KCNIP3: variants seen among roughly 807,000 people sequenced by gnomAD.
The protein encoded by KCNIP3 is calsenilin.
A neutral mutation model predicts 35.0 loss-of-function variants in KCNIP3; 28 were observed. The observed-to-expected ratio is 0.80, with a 90% CI of 0.59 to 1.10. KCNIP3 has a LOEUF of 1.10. Among genes scored for constraint, KCNIP3 ranks in the 50% least tolerant of loss-of-function variants. The pLI is 0.00. For missense variants in KCNIP3, 295 were observed against 338.4 expected (o/e 0.87, Z 1.01); for synonymous variants, 134 against 133.8 (o/e 1.00, Z -0.01).
intron 2 of KCNIP3, among the ~76,000 whole-genome samples, chr2:95,336,367 C>T (rs1679059052): frequency 6.6e-6 from 1 of 152,242 alleles, no homozygotes; most frequent in South Asian, 2.1e-4. Context: ...TTCCACGTCT[C>T]TGATCAAGCC....
At chr2:95,337,729 T>C (rs1434664276) in intron 2 of KCNIP3, among the ~76,000 whole-genome samples, 1 of 152,242 alleles carries the variant, frequency 6.6e-6, no homozygotes, top group East Asian at 1.9e-4. Context: ...TTGGCTTTAT[T>C]ACTTCCCCCT....
intron 5 of KCNIP3, 97 bp downstream of exon 5, chr2:95,375,305 T>C (rs1393985185): frequency 3.6e-6 from 4 of 1,105,960 alleles, no homozygotes; most frequent in East Asian, 4.8e-5. Flanking sequence ...GAGAGAGCCA[T>C]GGTCCTGGGT....
At chr2:95,354,780 G>C (rs1235793280) in intron 2 of KCNIP3, among the ~76,000 whole-genome samples, 1 of 152,248 alleles carries the variant, frequency 6.6e-6, no homozygotes, top group Non-Finnish European at 1.5e-5. Flanking sequence ...CTTCCTGCTC[G>C]TTCTCTTGCT....
intron 2 of KCNIP3, among the ~76,000 whole-genome samples, chr2:95,351,330 C>T (rs149248702): frequency 1.3e-3 from 204 of 152,330 alleles, no homozygotes; most frequent in African/African-American, 4.5e-3. Context: ...ACTTGGGGTG[C>T]GAGGCACCAG....
intron 2 of KCNIP3, among the ~76,000 whole-genome samples, chr2:95,362,259 A>T (rs1203612178): frequency 1.3e-5 from 2 of 152,040 alleles, no homozygotes; most frequent in Non-Finnish European, 2.9e-5. Flanking sequence ...GGCATGCACC[A>T]CTATGCCCGG....
intron 2 of KCNIP3, among the ~76,000 whole-genome samples, chr2:95,314,517 C>G (rs1199317928): frequency 2.0e-5 from 3 of 152,180 alleles, no homozygotes; most frequent in Non-Finnish European, 4.4e-5. Flanking sequence ...ATTGGGGTTG[C>G]TAGAAGCCCC....
intron 2 of KCNIP3, chr2:95,355,383 A>C (rs1259844813): frequency 6.6e-6 from 1 of 152,124 alleles, no homozygotes; most frequent in Non-Finnish European, 1.5e-5. Flanking sequence ...TGTAGGGTAC[A>C]TGTGCACAAT....
At chr2:95,371,475 C>T (rs1680040191) in intron 2 of KCNIP3, among the ~76,000 whole-genome samples, 1 of 152,122 alleles carries the variant, frequency 6.6e-6, no homozygotes, top group African/African-American at 2.4e-5. Flanking sequence ...TATTGGTAAC[C>T]TCAGGATATG....
At chr2:95,323,688 C>G (rs898837568) in intron 2 of KCNIP3, among the ~76,000 whole-genome samples, 4 of 152,148 alleles carry the variant, frequency 2.6e-5, no homozygotes, top group African/African-American at 9.7e-5. Context: ...TCTGGCATCC[C>G]CGGGATGCCA....
chr2:95,355,632 G>A (rs1195442914), intron 2 of KCNIP3, among the ~76,000 whole-genome samples: 7 of 152,118 alleles, frequency 4.6e-5, no homozygotes, highest in East Asian at 1.9e-4. Flanking sequence ...TGCTGAGAAC[G>A]ATGGTTTCCA....
intron 2 of KCNIP3, among the ~76,000 whole-genome samples, chr2:95,329,274 G>A (rs2104242446): frequency 6.6e-6 from 1 of 152,308 alleles, no homozygotes; most frequent in Admixed American, 6.5e-5. Context: ...GCACTCCTAT[G>A]GAGAACATCC....
At chr2:95,339,448 G>A (rs1256766956) in intron 2 of KCNIP3, among the ~76,000 whole-genome samples, 3 of 152,164 alleles carry the variant, frequency 2.0e-5, no homozygotes, top group African/African-American at 7.2e-5. Flanking sequence ...GCTGGGCATG[G>A]TGGTGCATGC....
intron 2 of KCNIP3, among the ~76,000 whole-genome samples, chr2:95,340,359 AAAC>A (rs1380322508): frequency 2.6e-5 from 4 of 151,976 alleles, no homozygotes; most frequent in South Asian, 2.1e-4. Context: ...ACAAACAAAC[AAAC>A]AACAACAACA....
chr2:95,312,566 G>A (rs1483586767), intron 2 of KCNIP3: 1 of 152,390 alleles, frequency 6.6e-6, no homozygotes, highest in Non-Finnish European at 1.5e-5. Context: ...GCATGGATGT[G>A]TTTACCGGAC....
At position 95,385,384 on chromosome 2, in the gene KCNIP3, G is replaced by A. The variant is rs534909883; in HGVS notation, c.*1335G>A. 22 of 152,930 alleles carry A rather than the reference G, an allele frequency of 1.4e-4. No individual in the cohort carries two copies. Among genetic ancestry groups the A allele is most frequent in the African/African-American group, 4.6e-4 (19 of 41,586 alleles). 9.5% of individuals were successfully genotyped at this position (152,930 alleles called of 1,614,324 possible). A position where few individuals can be genotyped will look rare whatever the true frequency, so the allele number is the denominator to read the frequency against. The stretch of plus-strand genomic sequence containing the variant: ...TGGAGAATGCCAGCCCAAAGCTGGA[G>A]CCAATGGTGAGGGCTGAGAGGGCTG... On this transcript the variant is annotated 3_prime_UTR_variant, in exon 9 of 9. Coordinates refer to ENST00000295225, the MANE Select transcript of KCNIP3 (RefSeq NM_013434.5).
intron 2 of KCNIP3, among the ~76,000 whole-genome samples, chr2:95,315,769 G>A (rs1226290842): frequency 4.0e-5 from 6 of 151,764 alleles, no homozygotes; most frequent in South Asian, 2.1e-4. Flanking sequence ...CTTCGAGACC[G>A]TAGGGGGCGG....
At chr2:95,346,405 T>C (rs1471348966) in intron 2 of KCNIP3, among the ~76,000 whole-genome samples, 1 of 150,840 alleles carries the variant, frequency 6.6e-6, no homozygotes, top group Non-Finnish European at 1.5e-5. Context: ...GGAGCAGCGG[T>C]GGCGACGCGC....
intron 2 of KCNIP3, among the ~76,000 whole-genome samples, chr2:95,373,374 TC>T (rs1265989043): frequency 6.8e-6 from 1 of 147,720 alleles, no homozygotes; most frequent in African/African-American, 2.5e-5. Flanking sequence ...AAATTGCACC[TC>T]CCCCTCAAAT....
chr2:95,378,770 A>G lies in KCNIP3; in HGVS notation c.448-2826A>G, dbSNP rs1334428728. Among the ~76,000 whole-genome samples, 1 of 150,814 alleles carries G rather than the reference A, an allele frequency of 6.6e-6. No individual in the cohort carries two copies. The highest frequency in any genetic ancestry group is 1.9e-4 in the East Asian group (1 of 5,156). ...AATCTCAAAAACAAAAACAAAATAT[A>G]TATATATATACACACACACACACAC... is the stretch of plus-strand genomic sequence containing the variant. On this transcript the variant is annotated intron_variant, in intron 5 of 8. Coordinates refer to ENST00000295225, the MANE Select transcript of KCNIP3 (RefSeq NM_013434.5). This position sits in a 1 kb window ranked among gnomAD's most constrained non-coding sequence, Gnocchi z 4.0.
Sources: allele counts gnomAD v4.1 joint callset (sites outside exome capture counted in the v4.1 genomes callset), GRCh38; gene constraint gnomAD v4.1.1; non-coding constraint Gnocchi (gnomAD v3.1); transcripts MANE v1.5; gene names NCBI Gene and HGNC (gene_info 2026-07-23, HGNC 2026-07-21).